Variants in COA1 observed in about 807,000 individuals in gnomAD.
COA1 encodes cytochrome c oxidase assembly factor 1 homolog.
COA1 carries 13 observed loss-of-function variants against 16.0 expected under a neutral mutation model. The ratio of observed to expected loss-of-function variants is 0.81; its 90% CI spans 0.53 to 1.29. The LOEUF (loss-of-function observed/expected upper bound fraction) is 1.29. Ranked by LOEUF, COA1 falls within the 50% of genes most tolerant of loss-of-function variation. COA1 has a pLI of 0.00. For synonymous variants in COA1, 65 were observed against 65.7 expected, an observed-to-expected ratio of 0.99 and a Z score of 0.05; for missense variants, 179 against 177.0, an observed-to-expected ratio of 1.01 and a Z score of -0.06.
intron 6 of COA1, among the ~76,000 whole-genome samples, chr7:43,618,647 T>C (rs2083566926): frequency 6.6e-6 from 1 of 152,250 alleles, no homozygotes. Context: ...AAAAATTTAA[T>C]GAATTTTACA....
intron 6 of COA1, among the ~76,000 whole-genome samples, chr7:43,620,535 G>A (rs1241614393): frequency 8.5e-5 from 13 of 152,194 alleles, no homozygotes; most frequent in African/African-American, 2.2e-4. Flanking sequence ...TTAGCCAGGC[G>A]TGATGGTGTG....
intron 1 of COA1, among the ~76,000 whole-genome samples, chr7:43,702,596 T>A (rs546474163): frequency 6.6e-6 from 1 of 152,010 alleles, no homozygotes; most frequent in East Asian, 1.9e-4. Context: ...TCTTGGGGGG[T>A]TGTATGTTTC....
chr7:43,611,362 A>G (rs36028286), intron 6 of COA1, among the ~76,000 whole-genome samples: 1 of 152,172 alleles, frequency 6.6e-6, no homozygotes, highest in Non-Finnish European at 1.5e-5. Flanking sequence ...TTTCTCAAAG[A>G]TATTAATTTT....
intron 1 of COA1, among the ~76,000 whole-genome samples, chr7:43,716,821 G>A (rs989820563): frequency 6.6e-6 from 1 of 152,226 alleles, no homozygotes; most frequent in African/African-American, 2.4e-5. Flanking sequence ...AGGTCCCCAT[G>A]CTGTGTGCAG....
At chr7:43,631,434 C>G (rs1027198573) in intron 6 of COA1, 2 of 152,312 alleles carry the variant, frequency 1.3e-5, no homozygotes, top group African/African-American at 4.8e-5. Flanking sequence ...CCATGTTGGC[C>G]AGGCTGGTCT....
intron 1 of COA1, among the ~76,000 whole-genome samples, chr7:43,705,715 G>C (rs1262794271): frequency 1.3e-5 from 2 of 152,164 alleles, no homozygotes; most frequent in Admixed American, 6.5e-5. Context: ...CTCCATGCAG[G>C]CTAGAGTTCC....
chr7:43,629,077 G>C (rs947717233), intron 6 of COA1, among the ~76,000 whole-genome samples: 1 of 152,124 alleles, frequency 6.6e-6, no homozygotes, highest in African/African-American at 2.4e-5. Flanking sequence ...ACATTCTACT[G>C]AACGTTCAGT....
intron 6 of COA1, among the ~76,000 whole-genome samples, chr7:43,630,412 G>A (rs920734379): frequency 2.6e-5 from 4 of 152,116 alleles, no homozygotes; most frequent in Non-Finnish European, 5.9e-5. Flanking sequence ...ATTGTGATGG[G>A]TTTGCATGAA....
chr7:43,629,854 T>C (rs752515190), intron 6 of COA1, among the ~76,000 whole-genome samples: 1 of 152,368 alleles, frequency 6.6e-6, no homozygotes, highest in South Asian at 2.1e-4. Flanking sequence ...CAAGAACTTT[T>C]ACCTCCGTGG....
At chr7:43,650,814 AC>A (rs1191670865) in intron 1 of COA1, 1 of 137,458 alleles carries the variant, frequency 7.3e-6, no homozygotes, top group Non-Finnish European at 1.6e-5. Context: ...CTCCCCCACC[AC>A]CAAAAAAAAA....
intron 1 of COA1, among the ~76,000 whole-genome samples, chr7:43,690,432 CACACACACACATATAT>C (rs2094223298): frequency 2.6e-5 from 4 of 150,980 alleles, no homozygotes; most frequent in African/African-American, 7.3e-5. Flanking sequence ...CATATATATA[CACACACACACATATAT>C]ACACACACAC....
intron 4 of COA1, among the ~76,000 whole-genome samples, chr7:43,644,785 G>GA (rs1563229504): frequency 0.069 from 7,299 of 105,930 alleles, 535 homozygotes; most frequent in African/African-American, 0.13. Flanking sequence ...CAGGCAGGCA[G>GA]GCAGGCAGAG....
intron 1 of COA1, among the ~76,000 whole-genome samples, chr7:43,693,089 A>T (rs117158166): frequency 6.6e-6 from 1 of 152,126 alleles, no homozygotes; most frequent in African/African-American, 2.4e-5. Context: ...GCCACTTCCA[A>T]CTGAAACCTG....
At chr7:43,698,382 T>C (rs1247919959) in intron 1 of COA1, among the ~76,000 whole-genome samples, 1 of 152,180 alleles carries the variant, frequency 6.6e-6, no homozygotes, top group Non-Finnish European at 1.5e-5. Flanking sequence ...TGATACACAA[T>C]TTACAGATGC....
chr7:43,630,896 A>C (rs1319202708), intron 6 of COA1, among the ~76,000 whole-genome samples: 2 of 151,732 alleles, frequency 1.3e-5, no homozygotes, highest in Non-Finnish European at 2.9e-5. Flanking sequence ...TCCCCTCCCC[A>C]CCCCATTTAT....
chr7:43,645,247 T>C lies in COA1; in HGVS notation c.264+4A>G. On this transcript the variant is annotated splice_donor_region_variant and intron_variant, in intron 4 of 5. Transcript: ENST00000223336. ...GCCTGCGGTTCGCAGGGAAAGCACA[T>C]TACCTTGGCATCAACAATGTCCACG... 2.5e-6 allele frequency: 4 copies of C among 1,613,566 alleles called. No individual in the cohort carries two copies. Among genetic ancestry groups the C allele is most frequent in the Non-Finnish European group, 3.4e-6 (4 of 1,179,694 alleles).
intron 1 of COA1, among the ~76,000 whole-genome samples, chr7:43,686,180 C>A (rs2094011221): frequency 1.3e-5 from 2 of 152,020 alleles, no homozygotes; most frequent in South Asian, 4.1e-4. Flanking sequence ...AATAAAATTT[C>A]AATTAACATA....
intron 6 of COA1, chr7:43,626,670 T>C (rs1047662390): frequency 1.3e-5 from 2 of 152,154 alleles, no homozygotes; most frequent in African/African-American, 4.8e-5. Flanking sequence ...CAGGAAAAAA[T>C]AACCACTATT....
chr7:43,674,311 T>C (rs1247300952), intron 1 of COA1, among the ~76,000 whole-genome samples: 2 of 152,240 alleles, frequency 1.3e-5, no homozygotes, highest in Non-Finnish European at 2.9e-5. Flanking sequence ...AAAACTATTC[T>C]TAAAATTCAA....
Sources: gnomAD v4.1 joint callset for allele counts (sites outside exome capture counted in the v4.1 genomes callset) on GRCh38, gnomAD v4.1.1 for gene constraint, MANE v1.5 for transcripts, NCBI Gene and HGNC (gene_info 2026-07-23, HGNC 2026-07-21) for gene names.